The following WIPF1 variants were observed in gnomAD, a reference collection of about 807,000 sequenced individuals.
The protein encoded by WIPF1 is WAS/WASL interacting protein family member 1, also known as WAS/WASL-interacting protein family member 1.
A neutral mutation model predicts 35.4 loss-of-function variants in WIPF1; 13 were observed. The observed-to-expected ratio is 0.37, with a 90% CI of 0.24 to 0.58. WIPF1 has a LOEUF of 0.58. WIPF1 is among the 20% of genes least tolerant of loss of function. The pLI is 0.74. For synonymous variants in WIPF1, 267 were observed against 266.3 expected (o/e 1.00, Z -0.02); for missense variants, 591 against 667.0 (o/e 0.89, Z 1.25).
intron 1 of WIPF1, among the ~76,000 whole-genome samples, chr2:174,593,640 T>C (rs1419395240): frequency 3.3e-5 from 5 of 152,236 alleles, no homozygotes; most frequent in Non-Finnish European, 7.3e-5. Flanking sequence ...TTCAACTTCC[T>C]GTAAAAAATG....
At chr2:174,630,853 T>C (rs776397467) in intron 1 of WIPF1, among the ~76,000 whole-genome samples, 5 of 152,190 alleles carry the variant, frequency 3.3e-5, no homozygotes, top group Non-Finnish European at 7.3e-5. Context: ...ACACCTACCA[T>C]GGTCACCCCT....
chr2:174,582,274 A>G (rs1175107264), intron 2 of WIPF1, among the ~76,000 whole-genome samples: 1 of 152,144 alleles, frequency 6.6e-6, no homozygotes, highest in East Asian at 1.9e-4. Flanking sequence ...CCTACTATGA[A>G]ATTGGGATCT....
chr2:174,577,630 T>C (rs978475959), intron 3 of WIPF1, among the ~76,000 whole-genome samples: 2 of 152,130 alleles, frequency 1.3e-5, no homozygotes, highest in Non-Finnish European at 2.9e-5. Flanking sequence ...CTTTCTAACA[T>C]TAAAAATGGG....
At chr2:174,602,343 A>G (rs1316306798), upstream of WIPF1, among the ~76,000 whole-genome samples, 2 of 152,258 alleles carry the variant, frequency 1.3e-5, no homozygotes, top group African/African-American at 4.8e-5. Flanking sequence ...GAATCAGTGC[A>G]ACAGTGGCAT....
At position 174,567,858 on chromosome 2, in the gene WIPF1, C is replaced by T; in HGVS notation, c.1342+3G>A. The T allele has an allele frequency of 2.5e-6, 4 of 1,572,846 alleles. No individual in the cohort carries two copies. The highest frequency in any genetic ancestry group is 3.5e-6 in the Non-Finnish European group (4 of 1,157,634). ...AGCCCAGGGAGCTGGGACCACACCT[C>T]ACCTTCACATGGAGAGTCTTGGAAG... On this transcript the variant is annotated splice_donor_region_variant and intron_variant, in intron 6 of 7. Coordinates refer to ENST00000679041, the MANE Select transcript of WIPF1 (RefSeq NM_001375834.1).
exon 1 of WIPF1, chr2:174,682,885 G>C (rs1242127071): frequency 1.3e-5 from 2 of 152,192 alleles, no homozygotes; most frequent in African/African-American, 4.8e-5. Flanking sequence ...AAAGCGCTCA[G>C]CGCCGGGAGG....
Position 174,562,466 on chromosome 2 carries a change from A to T in WIPF1, c.*81T>A. On this transcript the variant is annotated 3_prime_UTR_variant, in exon 8 of 8. Coordinates refer to ENST00000679041, the MANE Select transcript of WIPF1 (RefSeq NM_001375834.1). ...CTGCCCATACATGAGGCACAAGGGA[A>T]GAAGCAGGGAGGAGGGTATGCAGTT... 1 of 1,605,002 alleles carries T rather than the reference A, an allele frequency of 6.2e-7. No homozygotes were observed. Among genetic ancestry groups the T allele is most frequent in the South Asian group, 1.1e-5 (1 of 89,482 alleles).
In WIPF1 at chr2:174,559,659, G is replaced by A. The variant is rs185835993; in HGVS notation, c.*2888C>T. 5 of 152,274 alleles carry A rather than the reference G, an allele frequency of 3.3e-5. No homozygotes were observed. In the East Asian group the frequency reaches 9.7e-4, roughly 29 times the overall value. The allele number at this position is 152,274 out of a possible 1,614,324, so 9.4% of individuals were successfully genotyped here. A position where few individuals can be genotyped will look rare whatever the true frequency, so the allele number is the denominator to read the frequency against. On this transcript the variant is annotated 3_prime_UTR_variant, in exon 8 of 8. Transcript: ENST00000679041. ...TCTACCCTACCACTTACACTATCCT[G>A]ATGACACAGATAGCAAAATGTGTCT...
rs1254603296 is a variant in WIPF1, at chr2:174,622,241, A to G, written c.-38-36630T>C. 6.6e-6 allele frequency among the ~76,000 whole-genome samples: 1 copy of G among 152,196 alleles called. No individual in the cohort carries two copies. Among genetic ancestry groups the G allele is most frequent in the Non-Finnish European group, 1.5e-5 (1 of 68,034 alleles). ...GTTCCTAAACTTCAAATATTTGCAAACTAACTTCATAATTTTGTCATGCCT... is the reference window on the plus strand; with the variant it reads ...GTTCCTAAACTTCAAATATTTGCAAGCTAACTTCATAATTTTGTCATGCCT... On this transcript the variant is annotated intron_variant, in intron 1 of 8. Coordinates refer to the WIPF1 transcript ENST00000272746. The surrounding 1 kb of genome is among the most constrained non-coding windows in gnomAD (Gnocchi z 5.1).
chr2:174,672,036 A>T (rs539031941), intron 1 of WIPF1, among the ~76,000 whole-genome samples: 4 of 152,316 alleles, frequency 2.6e-5, no homozygotes, highest in Non-Finnish European at 5.9e-5. Context: ...CTTCAGGGGC[A>T]TCATGGAACC....
intron 1 of WIPF1, among the ~76,000 whole-genome samples, chr2:174,661,560 C>T (rs1399081546): frequency 1.3e-5 from 2 of 152,164 alleles, no homozygotes; most frequent in Non-Finnish European, 2.9e-5. Flanking sequence ...CCCTTGACTG[C>T]CATGTCTCGA....
chr2:174,674,777 G>T (rs1326593374), intron 1 of WIPF1, among the ~76,000 whole-genome samples: 1 of 152,042 alleles, frequency 6.6e-6, no homozygotes, highest in Non-Finnish European at 1.5e-5. Flanking sequence ...CAAAGATATG[G>T]GGAAACAGAT....
At chr2:174,607,390 A>G (rs980094665) in intron 1 of WIPF1, among the ~76,000 whole-genome samples, 1 of 152,098 alleles carries the variant, frequency 6.6e-6, no homozygotes, top group African/African-American at 2.4e-5. Flanking sequence ...GCAACAGAGC[A>G]GGACTCCATC....
At chr2:174,681,604 AC>A (rs760373342) in intron 1 of WIPF1, among the ~76,000 whole-genome samples, 28 of 152,212 alleles carry the variant, frequency 1.8e-4, no homozygotes, top group Non-Finnish European at 3.8e-4. Flanking sequence ...AAGAAAACCC[AC>A]CCAGCGTGGA....
chr2:174,673,425 C>T (rs1688063147), intron 1 of WIPF1: 1 of 152,284 alleles, frequency 6.6e-6, no homozygotes, highest in Non-Finnish European at 1.5e-5. Flanking sequence ...AGCTATACAA[C>T]AGGGCTTCAT....
At chr2:174,616,818 A>T (rs1686519998) in intron 1 of WIPF1, among the ~76,000 whole-genome samples, 2 of 152,164 alleles carry the variant, frequency 1.3e-5, no homozygotes, top group South Asian at 4.1e-4. Context: ...ATTTGACAAG[A>T]ACTTTGTCAG....
rs758563768 is a variant in WIPF1 at position 174,585,547 on chromosome 2, G to C, written c.27C>G (p.Pro9=). The C allele has an allele frequency of 1.2e-5, 20 of 1,611,956 alleles. No individual in the cohort carries two copies. The highest frequency in any genetic ancestry group is 1.7e-5 in the Non-Finnish European group (20 of 1,179,290). Residue 9 remains proline (P), a synonymous_variant, in exon 2 of 8, where the codon CCC becomes CCG. Transcript: ENST00000679041. MPVPPPPA[P]PPPPTFALAN... ...CCAGTGCAAACGTCGGGGGCGGCGG[G>C]GGTGCTGGAGGGGGAGGGACAGGCA... is the stretch of plus-strand genomic sequence containing the variant.
chr2:174,567,860 C>T lies in WIPF1; in HGVS notation c.1342+1G>A. 1 of 1,576,098 alleles carries T rather than the reference C, an allele frequency of 6.3e-7. No homozygotes were observed. The highest frequency in any genetic ancestry group is 8.6e-7 in the Non-Finnish European group (1 of 1,159,258). On this transcript the variant is annotated splice_donor_variant, in intron 6 of 7. Transcript: ENST00000679041. LOFTEE classifies it high-confidence loss of function. ...CCCAGGGAGCTGGGACCACACCTCA[C>T]CTTCACATGGAGAGTCTTGGAAGCC...
chr2:174,666,283 T>A (rs914658171), intron 1 of WIPF1, among the ~76,000 whole-genome samples: 5 of 152,180 alleles, frequency 3.3e-5, no homozygotes, highest in South Asian at 2.1e-4. Flanking sequence ...CAAACAAAAA[T>A]TTAACTCTGG....
Sources: gnomAD v4.1 joint callset for allele counts (sites outside exome capture counted in the v4.1 genomes callset) on GRCh38, gnomAD v4.1.1 for gene constraint, Gnocchi (gnomAD v3.1) non-coding constraint, MANE v1.5 for transcripts, NCBI Gene and HGNC (gene_info 2026-07-23, HGNC 2026-07-21) for gene names.